The following ITGA7 variants were observed in gnomAD, a reference collection of about 807,000 sequenced individuals.
ITGA7 encodes the protein integrin subunit alpha 7, also known as integrin alpha-7.
In ITGA7, 84 loss-of-function variants were observed where a neutral mutation model predicts 131.6. The observed-to-expected ratio is 0.64, with a 90% CI of 0.54 to 0.77. The LOEUF (loss-of-function observed/expected upper bound fraction) is 0.77, where lower values mean the gene tolerates loss of function less well. ITGA7 is among the 30% of genes least tolerant of loss of function. The pLI is 0.00. For missense variants in ITGA7, 1,399 were observed against 1,482.9 expected (o/e 0.94, Z 0.93); for synonymous variants, 548 against 600.7 (o/e 0.91, Z 1.28).
At chr12:55,704,535 C>T (rs570842142) in intron 1 of ITGA7, among the ~76,000 whole-genome samples, 8 of 152,280 alleles carry the variant, frequency 5.3e-5, no homozygotes, top group Admixed American at 3.9e-4. Context: ...ACGTCAGATC[C>T]GAGGCTAGAC....
chr12:55,707,820 G>GGCCCCGGC lies in ITGA7; in HGVS notation c.-139_-138insGCCGGGGC. 1.4e-6 allele frequency: 2 copies of GGCCCCGGC among 1,455,778 alleles called. No individual in the cohort carries two copies. The highest frequency in any genetic ancestry group is 1.8e-6 in the Non-Finnish European group (2 of 1,102,490). 90.2% of individuals were successfully genotyped at this position (1,455,778 alleles called of 1,614,324 possible). A position where few individuals can be genotyped will look rare whatever the true frequency, so the allele number is the denominator to read the frequency against. ...CGTCTCCCAGACGTTCGCCCCGCCA[G>GGCCCCGGC]CCCTCCCGCCCGCCCGCCGCTCCGC... On this transcript the variant is annotated 5_prime_UTR_variant, in exon 1 of 25. Transcript: ENST00000257879.
At chr12:55,704,627 C>A (rs1874807571) in intron 1 of ITGA7, among the ~76,000 whole-genome samples, 1 of 152,216 alleles carries the variant, frequency 6.6e-6, no homozygotes, top group Non-Finnish European at 1.5e-5. Flanking sequence ...TGCATTATGT[C>A]ATTTAATCAT....
chr12:55,694,269 G>C lies in ITGA7; in HGVS notation c.2419C>G (p.Leu807Val). 6.2e-7 allele frequency: 1 copy of C among 1,614,128 alleles called. No homozygotes were observed. Reference protein sequence around the residue: ...ARARVFIELPLSIAGMAIPQQ... With the variant: ...ARARVFIELPVSIAGMAIPQQ... ...GGCCAGGCTCACCCTGCAATGGACA[G>C]TGGCAGCTCAATGAAGACACGGGCT... The change falls in exon 18 of 25, where the codon CTG (leucine) becomes GTG (valine). Residue 807 changes from leucine (L) to valine (V), a missense_variant. By Grantham distance (32) the Leu-to-Val change is conservative. Transcript: ENST00000257879. This position sits in a 1 kb window ranked among gnomAD's most constrained non-coding sequence, Gnocchi z 5.3.
chr12:55,712,394 G>A (rs1013141343), upstream of ITGA7: 4 of 711,258 alleles, frequency 5.6e-6, no homozygotes, highest in Non-Finnish European at 1.0e-5. Context: ...GTGAAGCCTT[G>A]TCTACTCACT....
chr12:55,710,077 G>A (rs967438360), upstream of ITGA7, among the ~76,000 whole-genome samples: 3 of 152,128 alleles, frequency 2.0e-5, no homozygotes, highest in Admixed American at 6.6e-5. Flanking sequence ...GAAACTAGAC[G>A]GGGCCGGGCG....
At chr12:55,697,134 G>T in intron 11 of ITGA7, 66 bp from the exon 12 acceptor site, 1 of 1,588,148 alleles carries the variant, frequency 6.3e-7, no homozygotes, top group Non-Finnish European at 8.6e-7. Flanking sequence ...CCCATTCCAA[G>T]GGTGCTCTTC....
upstream of ITGA7, chr12:55,715,970 T>G (rs1206357110): frequency 6.9e-7 from 1 of 1,454,928 alleles, no homozygotes; most frequent in African/African-American, 1.4e-5. Context: ...CGCAACCCTC[T>G]ACCTCTCTTC....
rs770334318 is a variant in ITGA7, at chr12:55,693,349, C to A, written c.2536-32G>T. The A allele has an allele frequency of 7.1e-6, 11 of 1,557,168 alleles. No homozygotes were observed. The South Asian group carries it at 1.2e-4, about 16-fold the overall frequency. The stretch of plus-strand genomic sequence containing the variant: ...GAAAAAGAGAGTATGAGGGGAGAGA[C>A]CTCAGTTTTTCTTTTTTTTTTTTTT... On this transcript the variant is annotated intron_variant, in intron 19 of 24. Transcript: ENST00000257879.
Position 55,698,820 on chromosome 12 carries a change from G to C in ITGA7, c.888C>G (p.Ile296Met). The C allele has an allele frequency of 1.2e-6, 2 of 1,614,062 alleles. No homozygotes were observed. The highest frequency in any genetic ancestry group is 1.6e-4 in the Middle Eastern group (1 of 6,062). The change falls in exon 6 of 25, where the codon ATC (isoleucine) becomes ATG (methionine). Residue 296 changes from isoleucine (I) to methionine (M), a missense_variant. Coordinates refer to ENST00000257879, the MANE Select transcript of ITGA7 (RefSeq NM_002206.3). The part of the protein sequence containing the change: ...PRANHKGAVV[I>M]LRKDSASRLV... ...GGCGACTGGCGCTGTCCTTGCGCAG[G>C]ATGACCACAGCACCCTTGTGGTTGG...
chr12:55,701,709 T>A (rs933962718), intron 3 of ITGA7, among the ~76,000 whole-genome samples: 1 of 152,108 alleles, frequency 6.6e-6, no homozygotes, highest in African/African-American at 2.4e-5. Flanking sequence ...GCCTCCTGTG[T>A]AGCTGGGACT....
In ITGA7 at chr12:55,695,573, C is replaced by G. The variant is rs1800974; in HGVS notation, c.1952G>C (p.Arg651Pro). ...GCTGACCCGGGTACAGAAGCGGGCGCGGACCAGCTGCAGATTGCTCTGGCA... is the reference window on the plus strand; with the variant it reads ...GCTGACCCGGGTACAGAAGCGGGCGGGGACCAGCTGCAGATTGCTCTGGCA... ...KICQSNLQLV[R>P]ARFCTRVSDT... Residue 651 changes from arginine to proline, a missense_variant, in exon 14 of 25, where the codon CGC becomes CCC. Physicochemically the swap from Arg to Pro is moderately radical, Grantham distance 103. Coordinates refer to ENST00000257879, the MANE Select transcript of ITGA7 (RefSeq NM_002206.3). The G allele has an allele frequency of 6.2e-7, 1 of 1,613,356 alleles. No individual in the cohort carries two copies.
chr12:55,699,951 C>T lies in ITGA7; in HGVS notation c.709G>A (p.Asp237Asn), dbSNP rs754762899. The change falls in exon 5 of 25, where the codon GAC becomes AAC. Residue 237 changes from aspartate to asparagine, a missense_variant. Asp to Asn is a conservative substitution (Grantham distance 23). Transcript: ENST00000257879. ...TCCAAAGTTTTATACACCAGCTGGT[C>T]GGGGTCTGAGCTATCAATGTTGGTC... is the stretch of plus-strand genomic sequence containing the variant. Reference protein sequence around the residue: ...FVTNIDSSDPDQLVYKTLDPA... With the variant: ...FVTNIDSSDPNQLVYKTLDPA... 6 of 1,613,908 alleles carry T rather than the reference C, an allele frequency of 3.7e-6. No homozygotes were observed. The highest frequency in any genetic ancestry group is 1.7e-5 in the Admixed American group (1 of 59,986).
In ITGA7 at chr12:55,696,422, T is replaced by C. The variant is rs954599572; in HGVS notation, c.1748A>G (p.Lys583Arg). The C allele has an allele frequency of 1.3e-6, 2 of 1,599,984 alleles. No individual in the cohort carries two copies. The highest frequency in any genetic ancestry group is 2.7e-5 in the African/African-American group (2 of 74,778). Reference sequence around the variant, plus strand: ...CACTACAATGGCCCGAAGCTTGTCTTTGACATTTTCCTAGGAAGAGGAAGG... The same window carrying C: ...CACTACAATGGCCCGAAGCTTGTCTCTGACATTTTCCTAGGAAGAGGAAGG... ...DAMFQLQENV[K>R]DKLRAIVVTL... Residue 583 changes from lysine (K) to arginine (R), a missense_variant, in exon 13 of 25, where the codon AAA becomes AGA. Lys to Arg is a conservative substitution (Grantham distance 26). Coordinates refer to ENST00000257879, the MANE Select transcript of ITGA7 (RefSeq NM_002206.3).
chr12:55,697,352 C>T (rs895853383), intron 10 of ITGA7, 75 bp from the exon 11 acceptor site: 5 of 1,578,322 alleles, frequency 3.2e-6, no homozygotes, highest in African/African-American at 1.3e-5. Context: ...CCATCTGTCA[C>T]ATCCTGTCAC....
At chr12:55,712,236 A>G, upstream of ITGA7, 1 of 1,551,490 alleles carries the variant, frequency 6.4e-7, no homozygotes. Flanking sequence ...AACACTTGAG[A>G]AGGACTGGGA....
At chr12:55,715,167 C>A (rs1436215718), upstream of ITGA7, among the ~76,000 whole-genome samples, 1 of 152,208 alleles carries the variant, frequency 6.6e-6, no homozygotes, top group Non-Finnish European at 1.5e-5. Flanking sequence ...CTAATCACGG[C>A]ATTTTTATAA....
intron 14 of ITGA7, 165 bp downstream of exon 14, chr12:55,695,357 C>A: frequency 1.6e-6 from 1 of 639,474 alleles, no homozygotes. Flanking sequence ...GTGGCCCCAT[C>A]ACTGACCCTC....
intron 9 of ITGA7, 22 bp from the exon 10 acceptor site, chr12:55,697,568 C>A (rs369901244): frequency 6.2e-7 from 1 of 1,610,914 alleles, no homozygotes; most frequent in African/African-American, 1.3e-5. Flanking sequence ...GAGTCAAGAG[C>A]ACAAGAAACA....
At chr12:55,716,301 T>C, upstream of ITGA7, 2 of 1,514,724 alleles carry the variant, frequency 1.3e-6, no homozygotes, top group Non-Finnish European at 1.8e-6. Flanking sequence ...AGACGCCAGC[T>C]AGCGGGCAAC....
Sources: gnomAD v4.1 joint callset for allele counts (sites outside exome capture counted in the v4.1 genomes callset) on GRCh38, gnomAD v4.1.1 for gene constraint, Gnocchi (gnomAD v3.1) non-coding constraint, MANE v1.5 for transcripts, NCBI Gene and HGNC (gene_info 2026-07-23, HGNC 2026-07-21) for gene names.